Variants in GRIK4 observed in about 807,000 individuals in gnomAD.
GRIK4 encodes glutamate ionotropic receptor kainate type subunit 4, also known as glutamate receptor ionotropic, kainate 4.
In GRIK4, 40 loss-of-function variants were observed where a neutral mutation model predicts 104.9. The observed-to-expected ratio is 0.38, with a 90% CI of 0.30 to 0.50. The LOEUF (loss-of-function observed/expected upper bound fraction) is 0.50, where lower values mean the gene tolerates loss of function less well. Among genes scored for constraint, GRIK4 ranks in the 20% least tolerant of loss-of-function variants. The probability of loss-of-function intolerance (pLI) is 0.93; values close to 1 mark genes in which losing one functional copy is unlikely to be tolerated. For missense variants in GRIK4, 1,047 were observed against 1,308.1 expected (o/e 0.80, Z 3.08); for synonymous variants, 485 against 524.9 (o/e 0.92, Z 1.04).
intron 8 of GRIK4, among the ~76,000 whole-genome samples, chr11:120,849,480 A>G (rs1354152195): frequency 6.6e-6 from 1 of 152,218 alleles, no homozygotes. Flanking sequence ...TTCACAATCA[A>G]GAGAGTCTAA....
At chr11:120,528,705 G>A (rs1303197658) in intron 1 of GRIK4, among the ~76,000 whole-genome samples, 1 of 152,216 alleles carries the variant, frequency 6.6e-6, no homozygotes, top group African/African-American at 2.4e-5. Context: ...AATGGCAGCA[G>A]GCAAAGAGAG....
At chr11:120,948,988 G>A (rs1234444329) in intron 14 of GRIK4, among the ~76,000 whole-genome samples, 1 of 152,222 alleles carries the variant, frequency 6.6e-6, no homozygotes, top group Non-Finnish European at 1.5e-5. Flanking sequence ...ATCTTGGGCA[G>A]TCTGGCTGCA....
intron 1 of GRIK4, among the ~76,000 whole-genome samples, chr11:120,596,588 A>G (rs563265237): frequency 4.6e-5 from 7 of 152,264 alleles, no homozygotes; most frequent in African/African-American, 1.7e-4. Flanking sequence ...GTTGAAGTCT[A>G]TATGTAAGTC....
At chr11:120,764,821 A>T (rs926789125) in intron 3 of GRIK4, among the ~76,000 whole-genome samples, 9 of 152,086 alleles carry the variant, frequency 5.9e-5, no homozygotes, top group Non-Finnish European at 8.8e-5. Flanking sequence ...CTGCAGAGAG[A>T]TCTGCTGTTA....
chr11:120,854,730 C>T (rs1954060343), intron 8 of GRIK4, among the ~76,000 whole-genome samples: 1 of 152,138 alleles, frequency 6.6e-6, no homozygotes, highest in African/African-American at 2.4e-5. Flanking sequence ...TTCCAGTCTG[C>T]ACAGAGCTCT....
chr11:120,743,060 G>A lies in GRIK4; in HGVS notation c.83-59633G>A, dbSNP rs144310913. On this transcript the variant is annotated intron_variant, in intron 3 of 20. Transcript: ENST00000527524. Reference sequence around the variant, plus strand: ...AGCCTGGCCAACATGGTGAAACCCCGTCTGTACTGAAAATACAAAAATTGT... The same window carrying A: ...AGCCTGGCCAACATGGTGAAACCCCATCTGTACTGAAAATACAAAAATTGT... 3.8e-4 allele frequency among the ~76,000 whole-genome samples: 58 copies of A among 152,152 alleles called. No individual in the cohort carries two copies. The East Asian group carries it at 4.3e-3, about 11-fold the overall frequency.
chr11:120,870,191 C>T (rs532269848), intron 9 of GRIK4: 19 of 152,338 alleles, frequency 1.2e-4, no homozygotes, highest in African/African-American at 4.6e-4. Flanking sequence ...GGACCTTGGA[C>T]CACCCAGGAT....
At chr11:120,586,628 C>T (rs564588867) in intron 1 of GRIK4, among the ~76,000 whole-genome samples, 77 of 152,170 alleles carry the variant, frequency 5.1e-4, no homozygotes, top group African/African-American at 1.6e-3. Flanking sequence ...GTGGACTCAG[C>T]GGTGCTTGGG....
At position 120,898,434 on chromosome 11, in the gene GRIK4, T is replaced by C; in HGVS notation, c.1165-98T>C. ...CTCCGTACTCCACACCCCTCCCTGC[T>C]CACATGCAGCCCAGCCAGAGGCAGA... On this transcript the variant is annotated intron_variant, in intron 11 of 20. Coordinates refer to ENST00000527524, the MANE Select transcript of GRIK4 (RefSeq NM_014619.5). 4.2e-6 allele frequency: 3 copies of C among 714,864 alleles called. No individual in the cohort carries two copies. The Admixed American group carries it at 6.1e-5, about 14-fold the overall frequency. 44.3% of individuals were successfully genotyped at this position (714,864 alleles called of 1,614,324 possible).
chr11:120,835,534 A>AAAACAAAC (rs112203129), intron 7 of GRIK4, among the ~76,000 whole-genome samples: 49,445 of 151,228 alleles, frequency 0.33, 8,918 homozygotes, highest in East Asian at 0.49. Context: ...ACTCAAAGAA[A>AAAACAAAC]AAACAAACAA....
At chr11:120,888,814 G>A (rs1485824999) in intron 11 of GRIK4, among the ~76,000 whole-genome samples, 2 of 152,172 alleles carry the variant, frequency 1.3e-5, no homozygotes, top group African/African-American at 2.4e-5. Flanking sequence ...GTATAGATTT[G>A]CTTTTTAAAA....
chr11:120,517,355 T>C (rs1427736268), intron 1 of GRIK4, among the ~76,000 whole-genome samples: 4 of 148,890 alleles, frequency 2.7e-5, no homozygotes, highest in African/African-American at 1.0e-4. Context: ...GAATGGGGTG[T>C]CCCAGGCTCC....
Position 120,986,359 on chromosome 11 carries a change from G to A in GRIK4, c.*99G>A. 1.5e-6 allele frequency: 2 copies of A among 1,336,322 alleles called. No homozygotes were observed. The highest frequency in any genetic ancestry group is 1.9e-6 in the Non-Finnish European group (2 of 1,031,264). 82.8% of individuals were successfully genotyped at this position (1,336,322 alleles called of 1,614,324 possible). On this transcript the variant is annotated 3_prime_UTR_variant, in exon 21 of 21. Coordinates refer to ENST00000527524, the MANE Select transcript of GRIK4 (RefSeq NM_014619.5). ...CGCCAGCCGGAACTTGTACAGCGTC[G>A]ACACCTCTCCAGATTTCGGATCCAG...
rs192035054 is a variant in GRIK4 at position 120,861,646 on chromosome 11, G to A, written c.745-313G>A. On this transcript the variant is annotated intron_variant, in intron 8 of 20. Transcript: ENST00000527524. The stretch of plus-strand genomic sequence containing the variant: ...ACACAGTTCAAGCATCCCACCTCCC[G>A]TGGAAAAAACCCTGTGTGCCTAGTG... Among the ~76,000 whole-genome samples, 41 of 152,124 alleles carry A rather than the reference G, an allele frequency of 2.7e-4. No homozygotes were observed. The East Asian group carries it at 6.2e-3, about 23-fold the overall frequency.
intron 3 of GRIK4, among the ~76,000 whole-genome samples, chr11:120,800,960 C>T (rs975118937): frequency 8.3e-5 from 12 of 144,108 alleles, no homozygotes; most frequent in Admixed American, 2.6e-4. Flanking sequence ...ACTTGCATAC[C>T]ACGTAATTCA....
chr11:120,905,169 G>A lies in GRIK4; in HGVS notation c.1273-121G>A, dbSNP rs773845966. The A allele has an allele frequency of 2.8e-5, 21 of 746,556 alleles. No individual in the cohort carries two copies. The highest frequency in any genetic ancestry group is 4.3e-5 in the Non-Finnish European group (18 of 415,304). The allele number at this position is 746,556 out of a possible 1,614,324, so 46.2% of individuals were successfully genotyped here. On this transcript the variant is annotated intron_variant, in intron 12 of 20. Transcript: ENST00000527524. This position sits in a 1 kb window ranked among gnomAD's most constrained non-coding sequence, Gnocchi z 5.1. ...CACCCCAAAGTAGCCCATTACCCAC[G>A]TCAGTTTCCTCCTTCTGCCCCATGT...
At chr11:120,807,642 T>C (rs987058542) in intron 4 of GRIK4, among the ~76,000 whole-genome samples, 1 of 151,564 alleles carries the variant, frequency 6.6e-6, no homozygotes, top group Non-Finnish European at 1.5e-5. Flanking sequence ...ACAGAGTCAG[T>C]TGAAGTTGGC....
Position 120,877,646 on chromosome 11 carries a change from G to A in GRIK4, c.1164+2403G>A, listed in dbSNP as rs529928254. ...AGATGGAGAAAGTGGCTGCTTTTGT[G>A]GAGCCTGTATTCTAGTAGGGGACAG... On this transcript the variant is annotated intron_variant, in intron 11 of 20. Coordinates refer to ENST00000527524, the MANE Select transcript of GRIK4 (RefSeq NM_014619.5). Among the ~76,000 whole-genome samples, 69 of 152,290 alleles carry A rather than the reference G, an allele frequency of 4.5e-4. 1 individual carries two copies. The highest frequency in any genetic ancestry group is 3.4e-3 in the Middle Eastern group (1 of 294).
At chr11:120,745,309 T>C (rs1951419868) in intron 3 of GRIK4, among the ~76,000 whole-genome samples, 2 of 152,256 alleles carry the variant, frequency 1.3e-5, no homozygotes, top group African/African-American at 4.8e-5. Context: ...GGCTTTTTTC[T>C]ATTTATACTA....
Sources: allele counts gnomAD v4.1 joint callset (sites outside exome capture counted in the v4.1 genomes callset), GRCh38; gene constraint gnomAD v4.1.1; non-coding constraint Gnocchi (gnomAD v3.1); transcripts MANE v1.5; gene names NCBI Gene and HGNC (gene_info 2026-07-23, HGNC 2026-07-21).